Variants in CDKL1 observed in about 807,000 individuals in gnomAD.
The protein encoded by CDKL1 is cyclin-dependent kinase-like 1.
In CDKL1, 41 loss-of-function variants were observed where a neutral mutation model predicts 42.0. The ratio of observed to expected loss-of-function variants is 0.98; its 90% confidence interval spans 0.76 to 1.27. The LOEUF (loss-of-function observed/expected upper bound fraction) is 1.27, where lower values mean the gene tolerates loss of function less well. Among genes scored for constraint, CDKL1 ranks in the 50% most tolerant of loss-of-function variants. The pLI is 0.00. For synonymous variants in CDKL1, 153 were observed against 158.6 expected, an observed-to-expected ratio of 0.96 and a Z score of 0.26; for missense variants, 394 against 428.4, an observed-to-expected ratio of 0.92 and a Z score of 0.71.
At chr14:50,344,897 C>T (rs2033676611) in intron 4 of CDKL1, 89 bp downstream of exon 4, 1 of 1,108,208 alleles carries the variant, frequency 9.0e-7, no homozygotes, top group Non-Finnish European at 1.3e-6. Context: ...AAAATTTTAC[C>T]CACAGAAGTG....
At position 50,395,753 on chromosome 14, in the gene CDKL1, T is replaced by A. The variant is rs1377386120; in HGVS notation, c.116A>T (p.Glu39Val). Residue 39 changes from glutamate (E) to valine (V), a missense_variant, in exon 2 of 10, where the codon GAA becomes GTA. Coordinates refer to ENST00000395834, the MANE Select transcript of CDKL1 (RefSeq NM_004196.7). ...IVAIKKFLES[E>V]DDPVIKKIAL... ...AATTTTCTTTATGACAGGGTCATCT[T>A]CTGATTCCAGAAACTTCTTGATGGC... 4 of 1,614,058 alleles carry A rather than the reference T, an allele frequency of 2.5e-6. No individual in the cohort carries two copies. In the Admixed American group the frequency reaches 5.0e-5, roughly 20 times the overall value.
chr14:50,345,814 T>C (rs1386629177), intron 3 of CDKL1, among the ~76,000 whole-genome samples: 3 of 152,170 alleles, frequency 2.0e-5, no homozygotes, highest in Non-Finnish European at 4.4e-5. Context: ...ACAGCTAAAC[T>C]TCAAGCCACT....
At chr14:50,376,815 T>A (rs941707758) in intron 2 of CDKL1, among the ~76,000 whole-genome samples, 2 of 152,160 alleles carry the variant, frequency 1.3e-5, no homozygotes, top group Non-Finnish European at 2.9e-5. Context: ...GACAAAAATC[T>A]CTGCTCTCGT....
At position 50,377,565 on chromosome 14, in the gene CDKL1, C is replaced by A. The variant is rs1387116419; in HGVS notation, c.168+18136G>T. On this transcript the variant is annotated intron_variant, in intron 2 of 9. Transcript: ENST00000395834. Reference sequence around the variant, plus strand: ...CCTGAAGTGGCCTTAGCTAGCAGGCCTTCAGAATGGAATTCTGGAACTGGA... The same window carrying A: ...CCTGAAGTGGCCTTAGCTAGCAGGCATTCAGAATGGAATTCTGGAACTGGA... The A allele has an allele frequency of 5.2e-6, 7 of 1,337,120 alleles. No individual in the cohort carries two copies. In the South Asian group the frequency reaches 7.3e-5, roughly 14 times the overall value. 82.8% of individuals were successfully genotyped at this position (1,337,120 alleles called of 1,614,324 possible).
chr14:50,368,970 G>A (rs2034510045), intron 2 of CDKL1, among the ~76,000 whole-genome samples: 1 of 150,770 alleles, frequency 6.6e-6, no homozygotes. Context: ...GGGCTCAAGC[G>A]ATTCTCATGC....
At position 50,374,242 on chromosome 14, in the gene CDKL1, A is replaced by G. The variant is rs890384524; in HGVS notation, c.169-15093T>C. ...TAAAGCTACAGAGACAGTAAAAACAATAACAGGTGTCAGGGGTTCAGAGGA... is the reference window on the plus strand; with the variant it reads ...TAAAGCTACAGAGACAGTAAAAACAGTAACAGGTGTCAGGGGTTCAGAGGA... On this transcript the variant is annotated intron_variant, in intron 2 of 9. Transcript: ENST00000395834. Among the ~76,000 whole-genome samples, 3 of 152,242 alleles carry G rather than the reference A, an allele frequency of 2.0e-5. No homozygotes were observed. In the South Asian group the frequency reaches 6.2e-4, roughly 32 times the overall value.
At chr14:50,339,323 A>C (rs1436531538) in intron 6 of CDKL1, among the ~76,000 whole-genome samples, 2 of 152,200 alleles carry the variant, frequency 1.3e-5, no homozygotes, top group African/African-American at 4.8e-5. Context: ...AACCCAAACC[A>C]AACAACTCAG....
intron 3 of CDKL1, among the ~76,000 whole-genome samples, chr14:50,354,223 G>A (rs1023340452): frequency 6.6e-6 from 1 of 152,106 alleles, no homozygotes; most frequent in Non-Finnish European, 1.5e-5. Flanking sequence ...CCAAAGTGCT[G>A]GGATTGCAGG....
rs547303511 is a variant in CDKL1 at position 50,352,085 on chromosome 14, T to C, written c.290+6943A>G. Among the ~76,000 whole-genome samples, 5 of 152,354 alleles carry C rather than the reference T, an allele frequency of 3.3e-5. No individual in the cohort carries two copies. The South Asian group carries it at 1.0e-3, about 32-fold the overall frequency. On this transcript the variant is annotated intron_variant, in intron 3 of 9. Coordinates refer to ENST00000395834, the MANE Select transcript of CDKL1 (RefSeq NM_004196.7). ...TATACTGCTGGATTTGATTTGCTAA[T>C]AATTTTGCTAAGGATTTTTTACCTA...
intron 7 of CDKL1, among the ~76,000 whole-genome samples, chr14:50,338,223 T>G (rs1340423711): frequency 1.3e-5 from 2 of 152,020 alleles, no homozygotes; most frequent in Non-Finnish European, 2.9e-5. Flanking sequence ...AAGTTTTTAT[T>G]TATTTATTTA....
Position 50,342,187 on chromosome 14 carries a change from G to T in CDKL1, c.399C>A (p.Leu133=), listed in dbSNP as rs1330719234. The T allele has an allele frequency of 6.2e-7, 1 of 1,614,080 alleles. No homozygotes were observed. ...IHRDVKPENI[L]ITKHSVIKLC... is the part of the protein sequence containing the mutation. ...GCTTAATCACGGAATGTTTCGTGATGAGGATATTTTCTGGCTTCACGTCTC... is the reference window on the plus strand; with the variant it reads ...GCTTAATCACGGAATGTTTCGTGATTAGGATATTTTCTGGCTTCACGTCTC... The change falls in exon 5 of 10, where the codon CTC becomes CTA. Residue 133 remains leucine (L), a synonymous_variant. Coordinates refer to ENST00000395834, the MANE Select transcript of CDKL1 (RefSeq NM_004196.7).
chr14:50,360,775 CGTGTGTGTGTTTGTGTGT>C (rs1350394835), intron 2 of CDKL1, among the ~76,000 whole-genome samples: 1 of 120,626 alleles, frequency 8.3e-6, no homozygotes, highest in South Asian at 2.8e-4. Context: ...GAATGATAGA[CGTGTGTGTGTTTGTGTGT>C]GTGTGTGTGT....
At chr14:50,390,201 C>T (rs755732306) in intron 2 of CDKL1, 15 of 1,364,178 alleles carry the variant, frequency 1.1e-5, no homozygotes, top group Middle Eastern at 4.2e-4. Context: ...GGAGACATGT[C>T]ATAGACAATG....
chr14:50,332,206 C>T, intron 9 of CDKL1, 56 bp downstream of exon 9: 1 of 1,614,168 alleles, frequency 6.2e-7, no homozygotes, highest in Non-Finnish European at 8.5e-7. Flanking sequence ...ATCCTCAAGT[C>T]TAGATTCCAA....
In CDKL1 at chr14:50,341,470, G is replaced by GC. The variant is rs1159125050; in HGVS notation, c.455-239_455-238insG. Among the ~76,000 whole-genome samples, 62 of 133,812 alleles carry GC rather than the reference G, an allele frequency of 4.6e-4. 3 individuals are homozygous for GC. The highest frequency in any genetic ancestry group is 1.7e-3 in the African/African-American group (59 of 34,480). The allele number at this position is 133,812 out of a possible 152,430, so 87.8% of individuals were successfully genotyped here. A position where few individuals can be genotyped will look rare whatever the true frequency, so the allele number is the denominator to read the frequency against. On this transcript the variant is annotated intron_variant, in intron 5 of 9. Coordinates refer to ENST00000395834, the MANE Select transcript of CDKL1 (RefSeq NM_004196.7). ...TGGGGAGGGTCTGGGGGGGGGGGGGGGGTTATTTGGCTTAGAATTTAAAGT... is the reference window on the plus strand; with the variant it reads ...TGGGGAGGGTCTGGGGGGGGGGGGGGCGGTTATTTGGCTTAGAATTTAAAGT...
intron 6 of CDKL1, among the ~76,000 whole-genome samples, chr14:50,339,427 T>C (rs1438990154): frequency 2.0e-5 from 3 of 150,810 alleles, no homozygotes; most frequent in African/African-American, 7.3e-5. Flanking sequence ...TCCTGATAGG[T>C]GAAGATAAAA....
At chr14:50,394,335 C>T (rs2035339701) in intron 2 of CDKL1, among the ~76,000 whole-genome samples, 1 of 152,242 alleles carries the variant, frequency 6.6e-6, no homozygotes, top group Non-Finnish European at 1.5e-5. Context: ...CATGGGAGCA[C>T]TCCCCTGCGG....
chr14:50,384,172 C>T lies in CDKL1; in HGVS notation c.168+11529G>A, dbSNP rs116780293. 2.3e-3 allele frequency among the ~76,000 whole-genome samples: 353 copies of T among 152,264 alleles called. 5 individuals carry two copies. The highest frequency in any genetic ancestry group is 8.2e-3 in the African/African-American group (340 of 41,548). On this transcript the variant is annotated intron_variant, in intron 2 of 9. Transcript: ENST00000395834. ...CTGACAACCAGTTTACATAAACTCC[C>T]AGCATCTATCTATACATTAGTAATG...
intron 3 of CDKL1, among the ~76,000 whole-genome samples, chr14:50,349,768 T>A (rs1307340445): frequency 1.3e-5 from 2 of 151,866 alleles, no homozygotes. Context: ...TTGTTGTTTG[T>A]TTTTTGTTTT....
Sources: gnomAD v4.1 joint callset for allele counts (sites outside exome capture counted in the v4.1 genomes callset) on GRCh38, gnomAD v4.1.1 for gene constraint, MANE v1.5 for transcripts, NCBI Gene and HGNC (gene_info 2026-07-23, HGNC 2026-07-21) for gene names.